The following CUL4A variants were observed in gnomAD, a reference collection of about 807,000 sequenced individuals.
CUL4A encodes the protein cullin 4A, also known as cullin-4A.
A neutral mutation model predicts 95.5 loss-of-function variants in CUL4A; 16 were observed. The ratio of observed to expected loss-of-function variants is 0.17; its 90% confidence interval spans 0.11 to 0.25. CUL4A has a LOEUF of 0.25. Among genes scored for constraint, CUL4A ranks in the 10% least tolerant of loss-of-function variants. CUL4A has a pLI of 1.00. For synonymous variants in CUL4A, 380 were observed against 353.1 expected, an observed-to-expected ratio of 1.08 and a Z score of -0.85; for missense variants, 610 against 937.0, an observed-to-expected ratio of 0.65 and a Z score of 4.56.
chr13:113,211,796 G>A (rs1055192734), intron 2 of CUL4A, among the ~76,000 whole-genome samples: 4 of 152,226 alleles, frequency 2.6e-5, no homozygotes, highest in Non-Finnish European at 5.9e-5. Flanking sequence ...CTAGAAGTAA[G>A]TTCTCAGGGT....
chr13:113,243,096 C>T lies in CUL4A; in HGVS notation c.1164C>T (p.Asn388=), dbSNP rs1211810954. ...VCFQKNERFV[N]LMKESFETFI... is the part of the protein sequence containing the mutation. ...TCCAGAAGAATGAGCGGTTCGTCAA[C>T]CTGATGAAGGAGTCCTTTGAGACGT... Residue 388 remains asparagine, a synonymous_variant, in exon 11 of 20, where the codon AAC becomes AAT. Transcript: ENST00000375440. The T allele has an allele frequency of 7.4e-6, 12 of 1,614,080 alleles. No individual in the cohort carries two copies. In the Admixed American group the frequency reaches 1.2e-4, roughly 16 times the overall value.
In CUL4A at chr13:113,244,463, G is replaced by A; in HGVS notation, c.1282G>A (p.Glu428Lys). 6.2e-7 allele frequency: 1 copy of A among 1,613,826 alleles called. No homozygotes were observed. The highest frequency in any genetic ancestry group is 8.5e-7 in the Non-Finnish European group (1 of 1,179,924). ...AGGCAACAAAGAAGCCACAGACGAGGAGCTGGAGCGGACGTTGGACAAGAT... is the reference window on the plus strand; with the variant it reads ...AGGCAACAAAGAAGCCACAGACGAGAAGCTGGAGCGGACGTTGGACAAGAT... Reference protein sequence around the residue: ...RAGNKEATDEELERTLDKIMI... With the variant: ...RAGNKEATDEKLERTLDKIMI... The change falls in exon 12 of 20, where the codon GAG becomes AAG. Residue 428 changes from glutamate to lysine, a missense_variant. Around this residue, in one of 10 missense-constraint regions of CUL4A, gnomAD observed 153 missense variants for 244.5 expected, o/e 0.63. Coordinates refer to ENST00000375440, the MANE Select transcript of CUL4A (RefSeq NM_001008895.4).
intron 16 of CUL4A, 93 bp from the exon 17 acceptor site, chr13:113,254,600 A>T: frequency 1.1e-6 from 1 of 896,640 alleles, no homozygotes; most frequent in South Asian, 1.7e-5. Context: ...TTCTCAAAAA[A>T]AAAAAAGTTT....
At chr13:113,251,459 C>T (rs1298801230) in intron 15 of CUL4A, among the ~76,000 whole-genome samples, 1 of 147,926 alleles carries the variant, frequency 6.8e-6, no homozygotes, top group Non-Finnish European at 1.5e-5. Flanking sequence ...ATGGTGAGCT[C>T]GTGGGAGAGG....
intron 3 of CUL4A, among the ~76,000 whole-genome samples, chr13:113,226,496 GT>G (rs2041110193): frequency 6.6e-6 from 1 of 152,204 alleles, no homozygotes; most frequent in Non-Finnish European, 1.5e-5. Flanking sequence ...CCATAAAGCA[GT>G]TTATTGTCAT....
rs2040320091 is a variant in CUL4A, at chr13:113,210,050, A to G, written c.226A>G (p.Ser76Gly). The change falls in exon 2 of 20, where the codon AGC becomes GGC. Residue 76 changes from serine to glycine, a missense_variant. Physicochemically the swap from Ser to Gly is moderately conservative, Grantham distance 56 (BLOSUM62 0). Coordinates refer to ENST00000375440, the MANE Select transcript of CUL4A (RefSeq NM_001008895.4). ...CGAGGCGGTGCGGGCCGTGCAGAGC[A>G]GCACCTCCATCAGGTACAACCTCGA... ...LHEAVRAVQS[S>G]TSIRYNLEEL... 1.3e-6 allele frequency: 2 copies of G among 1,520,674 alleles called. No homozygotes were observed. Among genetic ancestry groups the G allele is most frequent in the African/African-American group, 2.9e-5 (2 of 69,254 alleles). 94.2% of individuals were successfully genotyped at this position (1,520,674 alleles called of 1,614,324 possible).
intron 9 of CUL4A, 92 bp downstream of exon 9, chr13:113,236,982 G>T: frequency 1.2e-6 from 1 of 813,596 alleles, no homozygotes; most frequent in South Asian, 1.8e-5. Flanking sequence ...GCAGTGTTAG[G>T]ACGTTTGTTA....
At chr13:113,257,854 C>T (rs2042169292) in intron 18 of CUL4A, among the ~76,000 whole-genome samples, 1 of 152,132 alleles carries the variant, frequency 6.6e-6, no homozygotes, top group Admixed American at 6.5e-5. Context: ...TATCTGAAAA[C>T]AGTCTAACTG....
At chr13:113,229,379 AAGGCCTGATC>A in intron 4 of CUL4A, 57 bp from the exon 5 acceptor site, 1 of 1,350,210 alleles carries the variant, frequency 7.4e-7, no homozygotes. Context: ...ATGGAGTTAA[AAGGCCTGATC>A]TTTCATATTT....
chr13:113,209,687 C>G lies in CUL4A; in HGVS notation c.60C>G (p.Gly20=), dbSNP rs1011916848. Residue 20 remains glycine (G), a synonymous_variant, in exon 1 of 20, where the codon GGC becomes GGG. Transcript: ENST00000375440. ...SFSALVGRTN[G]LTKPAALAAA... ...CGGCGCTCGTGGGCCGCACCAACGG[C>G]CTCACCAAGCCCGCGGCCCTGGCCG... 15 of 1,149,324 alleles carry G rather than the reference C, an allele frequency of 1.3e-5. No individual in the cohort carries two copies. The highest frequency in any genetic ancestry group is 1.6e-5 in the Non-Finnish European group (15 of 935,888). 71.2% of individuals were successfully genotyped at this position (1,149,324 alleles called of 1,614,324 possible).
In CUL4A at chr13:113,252,728, G is replaced by A. The variant is rs561971221; in HGVS notation, c.1639-354G>A. On this transcript the variant is annotated intron_variant, in intron 15 of 19. Coordinates refer to ENST00000375440, the MANE Select transcript of CUL4A (RefSeq NM_001008895.4). ...GGGAACACCAGCCGAGGCCAGGGCT[G>A]GGCATGGCCGGGCTGAGACACAGGA... Among the ~76,000 whole-genome samples, 12 of 152,346 alleles carry A rather than the reference G, an allele frequency of 7.9e-5. No individual in the cohort carries two copies. The East Asian group carries it at 2.1e-3, about 27-fold the overall frequency.
chr13:113,236,984 C>T (rs80187883), intron 9 of CUL4A, 94 bp downstream of exon 9: 17 of 791,214 alleles, frequency 2.1e-5, no homozygotes, highest in Admixed American at 1.6e-4. Flanking sequence ...AGTGTTAGGA[C>T]GTTTGTTATT....
chr13:113,258,744 G>C (rs1306818710), intron 18 of CUL4A, among the ~76,000 whole-genome samples: 5 of 152,174 alleles, frequency 3.3e-5, no homozygotes, highest in African/African-American at 7.2e-5. Flanking sequence ...AAAATGTTAG[G>C]ATAGAGAAGT....
chr13:113,228,717 CAG>C (rs1248104865), intron 4 of CUL4A, among the ~76,000 whole-genome samples: 2 of 151,988 alleles, frequency 1.3e-5, no homozygotes, highest in African/African-American at 4.8e-5. Flanking sequence ...GCTCGCAACG[CAG>C]AGTCAGAGAC....
At chr13:113,251,457 C>G (rs979196700) in intron 15 of CUL4A, among the ~76,000 whole-genome samples, 2 of 151,738 alleles carry the variant, frequency 1.3e-5, no homozygotes, top group African/African-American at 4.8e-5. Context: ...GAATGGTGAG[C>G]TCGTGGGAGA....
upstream of CUL4A, chr13:113,208,381 G>T: frequency 6.9e-7 from 1 of 1,438,884 alleles, no homozygotes; most frequent in African/African-American, 1.4e-5. Context: ...CACGGACACC[G>T]CCCGGCCCCC....
At chr13:113,237,072 A>C (rs751843853) in intron 9 of CUL4A, among the ~76,000 whole-genome samples, 182 bp downstream of exon 9, 6 of 152,224 alleles carry the variant, frequency 3.9e-5, no homozygotes, top group Non-Finnish European at 7.3e-5. Context: ...CAGTAAGAGA[A>C]ATAATGGAAG....
intron 2 of CUL4A, among the ~76,000 whole-genome samples, chr13:113,211,862 T>G (rs1038973523): frequency 6.6e-5 from 10 of 152,324 alleles, no homozygotes; most frequent in Non-Finnish European, 1.2e-4. Flanking sequence ...TGCAAGTGAC[T>G]GCCCCTTTTG....
intron 14 of CUL4A, 118 bp from the exon 15 acceptor site, chr13:113,245,838 G>C: frequency 1.3e-6 from 1 of 781,970 alleles, no homozygotes; most frequent in Non-Finnish European, 2.0e-6. Flanking sequence ...TCTGGGGACT[G>C]AGATAAATTC....
Sources: gnomAD v4.1 joint callset for allele counts (sites outside exome capture counted in the v4.1 genomes callset) on GRCh38, gnomAD v4.1.1 for gene constraint, gnomAD v4.1.1 regional missense constraint, MANE v1.5 for transcripts, NCBI Gene and HGNC (gene_info 2026-07-23, HGNC 2026-07-21) for gene names.